The following POMK variants were observed in gnomAD, a reference collection of about 807,000 sequenced individuals.
POMK encodes protein O-mannose kinase, also known as Sugen kinase 196.
Under a neutral mutation model 23.0 loss-of-function variants are expected in POMK, and 19 were observed. The observed-to-expected ratio is 0.83, with a 90% CI of 0.58 to 1.21. The LOEUF (loss-of-function observed/expected upper bound fraction) is 1.21, where lower values mean the gene tolerates loss of function less well. Among genes scored for constraint, POMK ranks in the 50% most tolerant of loss-of-function variants. The probability of loss-of-function intolerance (pLI) is 0.00; values close to 1 mark genes in which losing one functional copy is unlikely to be tolerated. For missense variants in POMK, 410 were observed against 431.3 expected, an observed-to-expected ratio of 0.95 and a Z score of 0.44; for synonymous variants, 173 against 171.6, an observed-to-expected ratio of 1.01 and a Z score of -0.06.
chr8:43,109,927 T>G (rs775068116), intron 4 of POMK, among the ~76,000 whole-genome samples: 6 of 152,278 alleles, frequency 3.9e-5, no homozygotes, highest in Non-Finnish European at 7.3e-5. Context: ...AAGAAAACTC[T>G]GTTGTGCTTT....
intron 1 of POMK, among the ~76,000 whole-genome samples, chr8:43,094,724 G>T (rs573440671): frequency 6.6e-6 from 1 of 152,084 alleles, no homozygotes; most frequent in Non-Finnish European, 1.5e-5. Context: ...CTTGTAAGTC[G>T]GTAAAAACTA....
intron 1 of POMK, among the ~76,000 whole-genome samples, chr8:43,095,251 G>T (rs893204673): frequency 2.0e-5 from 3 of 152,178 alleles, no homozygotes. Flanking sequence ...TGACTCAGTT[G>T]TCTTATCTGT....
At chr8:43,114,498 C>G (rs997406948) in intron 4 of POMK, among the ~76,000 whole-genome samples, 1 of 152,214 alleles carries the variant, frequency 6.6e-6, no homozygotes, top group African/African-American at 2.4e-5. Context: ...CCCTGATTTT[C>G]CAGGTGCCGT....
rs543604763 is a variant in POMK at position 43,112,841 on chromosome 8, A to T, written c.282+9011A>T. Among the ~76,000 whole-genome samples the T allele has an allele frequency of 2.0e-5, 3 of 152,346 alleles. No individual in the cohort carries two copies. The East Asian group carries it at 5.8e-4, about 29-fold the overall frequency. On this transcript the variant is annotated intron_variant, in intron 4 of 4. Coordinates refer to ENST00000331373, the MANE Select transcript of POMK (RefSeq NM_032237.5). ...GCTTCATCAGTGAAGGAGAAATAAA[A>T]TACTTTACAGACAAGCAAATGCTGA...
intron 4 of POMK, among the ~76,000 whole-genome samples, chr8:43,106,944 G>A (rs981829015): frequency 2.8e-4 from 43 of 152,290 alleles, no homozygotes; most frequent in African/African-American, 9.4e-4. Flanking sequence ...AGTTGGGGTC[G>A]GAGTTGACCC....
At chr8:43,102,329 T>C (rs1438102433) in intron 2 of POMK, among the ~76,000 whole-genome samples, 176 bp from the exon 3 acceptor site, 1 of 152,166 alleles carries the variant, frequency 6.6e-6, no homozygotes, top group Non-Finnish European at 1.5e-5. Flanking sequence ...ACAGAGAGAC[T>C]CTGATGGGCT....
intron 4 of POMK, among the ~76,000 whole-genome samples, chr8:43,116,814 C>T (rs1481808326): frequency 1.3e-5 from 2 of 152,080 alleles, no homozygotes; most frequent in Non-Finnish European, 2.9e-5. Flanking sequence ...CATGCATGTC[C>T]GTGTGAAGAG....
chr8:43,115,598 G>T (rs1439720733), intron 4 of POMK, among the ~76,000 whole-genome samples: 1 of 152,072 alleles, frequency 6.6e-6, no homozygotes, highest in Admixed American at 6.5e-5. Context: ...ACCCAGCCCA[G>T]CCCCCCAAAC....
chr8:43,104,395 C>T lies in POMK; in HGVS notation c.282+565C>T, dbSNP rs377527194. On this transcript the variant is annotated intron_variant, in intron 4 of 4. Transcript: ENST00000331373. ...CCTCGGCCTCCCAATCGGACTTTAT[C>T]TTAATAAGTAATCCAAGGCAGGAAA... Among the ~76,000 whole-genome samples, 21 of 152,188 alleles carry T rather than the reference C, an allele frequency of 1.4e-4. No individual in the cohort carries two copies. In the South Asian group the frequency reaches 3.9e-3, roughly 29 times the overall value.
At chr8:43,107,758 G>A (rs1811573364) in intron 4 of POMK, among the ~76,000 whole-genome samples, 1 of 151,498 alleles carries the variant, frequency 6.6e-6, no homozygotes, top group African/African-American at 2.4e-5. Flanking sequence ...GTGGCTTACT[G>A]CAACCTCCGC....
chr8:43,108,153 GC>G (rs1010410135), intron 4 of POMK, among the ~76,000 whole-genome samples: 1 of 152,156 alleles, frequency 6.6e-6, no homozygotes, highest in African/African-American at 2.4e-5. Flanking sequence ...ATAACTTGGG[GC>G]TCCTGGGCCT....
intron 2 of POMK, among the ~76,000 whole-genome samples, chr8:43,100,623 G>A (rs1386441980): frequency 6.6e-6 from 1 of 151,944 alleles, no homozygotes; most frequent in East Asian, 1.9e-4. Flanking sequence ...GTGCCGTGGT[G>A]GGTGTGTGCA....
rs1425872390 is a variant in POMK, at chr8:43,102,153, A to T, written c.-117-352A>T. On this transcript the variant is annotated intron_variant, in intron 2 of 4. Coordinates refer to ENST00000331373, the MANE Select transcript of POMK (RefSeq NM_032237.5). ...GTTTATTGTCTGTCTTCCCCACTAG[A>T]CTTTTCCCCTAAGCTCCAGCAGGAT... 2.0e-5 allele frequency among the ~76,000 whole-genome samples: 3 copies of T among 152,266 alleles called. No homozygotes were observed. The East Asian group carries it at 5.8e-4, about 29-fold the overall frequency.
At chr8:43,100,578 A>C (rs1811419342) in intron 2 of POMK, among the ~76,000 whole-genome samples, 1 of 151,668 alleles carries the variant, frequency 6.6e-6, no homozygotes, top group Admixed American at 6.6e-5. Context: ...AGGTGGTTGA[A>C]GGACTCAAGT....
intron 3 of POMK, among the ~76,000 whole-genome samples, chr8:43,102,818 C>T (rs544823726): frequency 6.6e-5 from 10 of 152,314 alleles, no homozygotes; most frequent in South Asian, 6.2e-4. Flanking sequence ...TGGCCTTGCA[C>T]GGCTCCAGCG....
intron 4 of POMK, among the ~76,000 whole-genome samples, chr8:43,108,124 C>T (rs1811581400): frequency 6.6e-6 from 1 of 152,186 alleles, no homozygotes; most frequent in Non-Finnish European, 1.5e-5. Flanking sequence ...GTAAGTTCCT[C>T]TCCTCTTGAT....
intron 4 of POMK, among the ~76,000 whole-genome samples, chr8:43,118,913 G>C (rs1293152213): frequency 6.6e-6 from 1 of 152,138 alleles, no homozygotes; most frequent in Non-Finnish European, 1.5e-5. Context: ...ATGCCATTCT[G>C]CCATTCTCCT....
chr8:43,120,052 T>C (rs1331081858), intron 4 of POMK, among the ~76,000 whole-genome samples: 1 of 147,300 alleles, frequency 6.8e-6, no homozygotes, highest in East Asian at 1.9e-4. Context: ...CCAAAAGATA[T>C]GAAGGAAAAA....
At chr8:43,109,650 C>G (rs975533152) in intron 4 of POMK, among the ~76,000 whole-genome samples, 1 of 152,074 alleles carries the variant, frequency 6.6e-6, no homozygotes, top group Non-Finnish European at 1.5e-5. Flanking sequence ...TCAAGTGATT[C>G]TCCTGCCTCA....
Sources: allele counts gnomAD v4.1 joint callset (sites outside exome capture counted in the v4.1 genomes callset), GRCh38; gene constraint gnomAD v4.1.1; transcripts MANE v1.5; gene names NCBI Gene and HGNC (gene_info 2026-07-23, HGNC 2026-07-21).